SH3GL2: variants seen among roughly 807,000 people sequenced by gnomAD.
The protein encoded by SH3GL2 is SH3 domain containing GRB2 like 2, endophilin A1.
Under a neutral mutation model 46.0 loss-of-function variants are expected in SH3GL2, and 24 were observed. The ratio of observed to expected loss-of-function variants is 0.52; its 90% CI spans 0.38 to 0.73. The LOEUF (loss-of-function observed/expected upper bound fraction) is 0.73, where lower values mean the gene tolerates loss of function less well. Ranked by LOEUF, SH3GL2 falls within the 30% of genes least tolerant of loss-of-function variation. The pLI is 0.00. For synonymous variants in SH3GL2, 196 were observed against 147.1 expected (o/e 1.33, Z -2.40); for missense variants, 413 against 424.2 (o/e 0.97, Z 0.23).
At chr9:17,759,359 G>A (rs892190654) in intron 2 of SH3GL2, among the ~76,000 whole-genome samples, 6 of 152,182 alleles carry the variant, frequency 3.9e-5, no homozygotes, top group Admixed American at 3.3e-4. Context: ...CTGTTTCACC[G>A]GCTACTGCCA....
At chr9:17,716,627 G>A (rs557366571) in intron 1 of SH3GL2, among the ~76,000 whole-genome samples, 4 of 152,140 alleles carry the variant, frequency 2.6e-5, no homozygotes, top group African/African-American at 7.2e-5. Flanking sequence ...ACATGCATGT[G>A]TTGATCAGAA....
At chr9:17,700,828 T>G (rs1479225140) in intron 1 of SH3GL2, among the ~76,000 whole-genome samples, 1 of 152,224 alleles carries the variant, frequency 6.6e-6, no homozygotes, top group East Asian at 1.9e-4. Flanking sequence ...GTATAAAGAA[T>G]GCTAGTTAAT....
rs1554645345 is a variant in SH3GL2 at position 17,738,661 on chromosome 9, G to GAC, written c.46-8404_46-8403insCA. Among the ~76,000 whole-genome samples, 1,257 of 132,120 alleles carry GAC rather than the reference G, an allele frequency of 9.5e-3. 10 individuals carry two copies. The highest frequency in any genetic ancestry group is 0.013 in the Non-Finnish European group (784 of 60,152). 86.7% of individuals were successfully genotyped at this position (132,120 alleles called of 152,430 possible). On this transcript the variant is annotated intron_variant, in intron 1 of 8. Coordinates refer to ENST00000380607, the MANE Select transcript of SH3GL2 (RefSeq NM_003026.5). ...ATATATAGAGAGAGAGAGAGAGAGA[G>GAC]AGAGAGAGAGAGATAATTTTATTTC...
intron 2 of SH3GL2, among the ~76,000 whole-genome samples, chr9:17,748,761 G>C (rs1156457268): frequency 6.6e-6 from 1 of 152,104 alleles, no homozygotes. Context: ...CCAGCGTGGC[G>C]AGGAGGAAAA....
intron 1 of SH3GL2, among the ~76,000 whole-genome samples, chr9:17,689,685 C>G (rs996519349): frequency 6.6e-6 from 1 of 152,048 alleles, no homozygotes; most frequent in Non-Finnish European, 1.5e-5. Context: ...TTTGCCATTT[C>G]CTCTGCCTGA....
chr9:17,691,190 G>A (rs1163509343), intron 1 of SH3GL2, among the ~76,000 whole-genome samples: 1 of 152,078 alleles, frequency 6.6e-6, no homozygotes, highest in Admixed American at 6.6e-5. Context: ...GTGACTGAGT[G>A]TTTTTCATTG....
In SH3GL2 at chr9:17,787,408, C is replaced by A; in HGVS notation, c.360C>A (p.Ala120=). Residue 120 remains alanine (A), a synonymous_variant, in exon 5 of 9, where the codon GCC becomes GCA. Coordinates refer to ENST00000380607, the MANE Select transcript of SH3GL2 (RefSeq NM_003026.5). ...FGPALGEVGE[A]MRELSEVKDS... is the part of the protein sequence containing the mutation. Reference sequence around the variant, plus strand: ...CAGCACTTGGTGAGGTCGGGGAGGCCATGCGGGAACTGTCGGAGGTCAAAG... The same window carrying A: ...CAGCACTTGGTGAGGTCGGGGAGGCAATGCGGGAACTGTCGGAGGTCAAAG... 1 of 1,612,904 alleles carries A rather than the reference C, an allele frequency of 6.2e-7. No individual in the cohort carries two copies. The highest frequency in any genetic ancestry group is 8.5e-7 in the Non-Finnish European group (1 of 1,179,048).
At chr9:17,731,457 C>T (rs150807926) in intron 1 of SH3GL2, among the ~76,000 whole-genome samples, 2 of 149,098 alleles carry the variant, frequency 1.3e-5, no homozygotes, top group African/African-American at 4.9e-5. Flanking sequence ...GAGAGACAGA[C>T]AGAGAGAGAG....
intron 1 of SH3GL2, among the ~76,000 whole-genome samples, chr9:17,639,744 G>A (rs1019871961): frequency 5.3e-5 from 8 of 152,194 alleles, no homozygotes; most frequent in East Asian, 3.9e-4. Context: ...AAAACTGGAC[G>A]CAACCTAATT....
chr9:17,646,275 A>C (rs1312145141), intron 1 of SH3GL2, among the ~76,000 whole-genome samples: 2 of 151,968 alleles, frequency 1.3e-5, no homozygotes, highest in East Asian at 3.9e-4. Context: ...CAATTCCTCT[A>C]ACCTTTTATC....
intron 1 of SH3GL2, among the ~76,000 whole-genome samples, chr9:17,614,986 C>T (rs1172422627): frequency 1.3e-5 from 2 of 152,172 alleles, no homozygotes; most frequent in Non-Finnish European, 2.9e-5. Flanking sequence ...CACAGAGGTG[C>T]CCAGATGCCA....
chr9:17,678,421 C>A (rs1820673446), intron 1 of SH3GL2, among the ~76,000 whole-genome samples: 1 of 152,182 alleles, frequency 6.6e-6, no homozygotes. Flanking sequence ...TTTTTGGCTG[C>A]ATAAATGTCT....
At chr9:17,604,593 C>T (rs920559211) in intron 1 of SH3GL2, among the ~76,000 whole-genome samples, 3 of 152,034 alleles carry the variant, frequency 2.0e-5, no homozygotes, top group Non-Finnish European at 1.5e-5. Flanking sequence ...TCCTTGTTAC[C>T]CAGTGCATGA....
chr9:17,741,399 T>C (rs1209402447), intron 1 of SH3GL2, among the ~76,000 whole-genome samples: 1 of 152,192 alleles, frequency 6.6e-6, no homozygotes, highest in Non-Finnish European at 1.5e-5. Context: ...TAATACTAAT[T>C]GCAGTTGTAA....
intron 1 of SH3GL2, among the ~76,000 whole-genome samples, chr9:17,726,955 G>A (rs899371717): frequency 5.3e-5 from 8 of 152,086 alleles, no homozygotes; most frequent in Admixed American, 2.0e-4. Context: ...ATACTACAAG[G>A]CATAGATTCC....
chr9:17,740,355 G>C (rs1313892094), intron 1 of SH3GL2, among the ~76,000 whole-genome samples: 1 of 152,078 alleles, frequency 6.6e-6, no homozygotes, highest in Middle Eastern at 3.4e-3. Context: ...TTATACATGG[G>C]GATACCACCA....
At chr9:17,766,874 G>C (rs1024767690) in intron 3 of SH3GL2, among the ~76,000 whole-genome samples, 7 of 151,970 alleles carry the variant, frequency 4.6e-5, no homozygotes, top group Non-Finnish European at 1.0e-4. Context: ...TTATCAGTGG[G>C]TTTTTCTTTT....
intron 1 of SH3GL2, among the ~76,000 whole-genome samples, chr9:17,622,081 C>G (rs1221762726): frequency 6.6e-6 from 1 of 152,158 alleles, no homozygotes; most frequent in Non-Finnish European, 1.5e-5. Flanking sequence ...TAGAATCAGG[C>G]TATTTCCCTA....
chr9:17,780,604 A>G (rs1289265290), intron 3 of SH3GL2, among the ~76,000 whole-genome samples: 1 of 124,354 alleles, frequency 8.0e-6, no homozygotes, highest in East Asian at 2.5e-4. Context: ...AGCATTAGGT[A>G]TATCTCCCAA....
Sources: gnomAD v4.1 joint callset for allele counts (sites outside exome capture counted in the v4.1 genomes callset) on GRCh38, gnomAD v4.1.1 for gene constraint, MANE v1.5 for transcripts, NCBI Gene and HGNC (gene_info 2026-07-23, HGNC 2026-07-21) for gene names.